The following ZSWIM6 variants were observed in gnomAD, a reference collection of about 807,000 sequenced individuals.
The protein encoded by ZSWIM6 is zinc finger SWIM domain-containing protein 6.
Under a neutral mutation model 113.2 loss-of-function variants are expected in ZSWIM6, and 9 were observed. That is an observed-to-expected ratio of 0.08 (90% confidence interval 0.05 to 0.14). The LOEUF is 0.14. ZSWIM6 is among the 10% of genes least tolerant of loss of function. The pLI is 1.00. For synonymous variants in ZSWIM6, 611 were observed against 606.5 expected (o/e 1.01, Z -0.11); for missense variants, 1,162 against 1,552.2 (o/e 0.75, Z 4.22).
rs149789473 is a variant in ZSWIM6 at position 61,371,953 on chromosome 5, A to C, written c.676+39005A>C. Among the ~76,000 whole-genome samples the C allele has an allele frequency of 2.6e-5, 4 of 152,306 alleles. No homozygotes were observed. In the East Asian group the frequency reaches 7.7e-4, roughly 29 times the overall value. On this transcript the variant is annotated intron_variant, in intron 1 of 13. Coordinates refer to ENST00000252744, the MANE Select transcript of ZSWIM6 (RefSeq NM_020928.2). ...AATTCCACTTTCCATTTTGATGTGAATGTTCTAAAAGTTCCCTATGATTTA... is the reference window on the plus strand; with the variant it reads ...AATTCCACTTTCCATTTTGATGTGACTGTTCTAAAAGTTCCCTATGATTTA...
intron 5 of ZSWIM6, among the ~76,000 whole-genome samples, chr5:61,524,177 G>A (rs1749216954): frequency 6.6e-6 from 1 of 152,188 alleles, no homozygotes; most frequent in African/African-American, 2.4e-5. Context: ...GACTGTGAGA[G>A]GTCACGGAAC....
At chr5:61,336,555 C>T (rs897638141) in intron 1 of ZSWIM6, among the ~76,000 whole-genome samples, 5 of 151,712 alleles carry the variant, frequency 3.3e-5, no homozygotes, top group African/African-American at 9.7e-5. Flanking sequence ...GTCAGGAGTT[C>T]GAGAGCAGCC....
intron 2 of ZSWIM6, among the ~76,000 whole-genome samples, chr5:61,482,550 A>T (rs184861626): frequency 9.9e-5 from 15 of 152,238 alleles, no homozygotes; most frequent in African/African-American, 3.6e-4. Flanking sequence ...CTTTTGGGGG[A>T]AATTATTGTT....
intron 1 of ZSWIM6, among the ~76,000 whole-genome samples, chr5:61,438,148 C>T (rs1339219008): frequency 3.9e-5 from 6 of 152,112 alleles, no homozygotes; most frequent in Non-Finnish European, 8.8e-5. Context: ...CATTCAGTAG[C>T]TCATTCAGTA....
intron 1 of ZSWIM6, among the ~76,000 whole-genome samples, chr5:61,465,491 T>C (rs1037295510): frequency 6.6e-6 from 1 of 151,776 alleles, no homozygotes; most frequent in African/African-American, 2.4e-5. Flanking sequence ...ACTGCAGATA[T>C]CCAAATTAGT....
At chr5:61,526,219 G>C in intron 6 of ZSWIM6, 31 bp from the exon 7 acceptor site, 1 of 1,523,582 alleles carries the variant, frequency 6.6e-7, no homozygotes, top group Non-Finnish European at 8.8e-7. Flanking sequence ...TCTGACAGTG[G>C]CAACTTTACC....
In ZSWIM6 at chr5:61,472,654, C is replaced by A; in HGVS notation, c.677-27C>A. 1 of 1,451,050 alleles carries A rather than the reference C, an allele frequency of 6.9e-7. No homozygotes were observed. Among genetic ancestry groups the A allele is most frequent in the Admixed American group, 2.4e-5 (1 of 41,538 alleles). The allele number at this position is 1,451,050 out of a possible 1,614,324, so 89.9% of individuals were successfully genotyped here. ...TAGCATCTGAATGCAGAAGCTAAAC[C>A]CTCCCTTTCTTTCTTTCACCCTCAA... On this transcript the variant is annotated intron_variant, in intron 1 of 13. Transcript: ENST00000252744. The surrounding 1 kb of genome is among the most constrained non-coding windows in gnomAD (Gnocchi z 4.1).
intron 1 of ZSWIM6, among the ~76,000 whole-genome samples, chr5:61,469,708 C>CT (rs533370067): frequency 4.6e-4 from 68 of 147,820 alleles, no homozygotes; most frequent in Non-Finnish European, 5.6e-4. Flanking sequence ...TCCCCCCAAC[C>CT]TTTTTTTTTT....
At chr5:61,491,943 C>T (rs1245190567) in intron 3 of ZSWIM6, among the ~76,000 whole-genome samples, 1 of 151,880 alleles carries the variant, frequency 6.6e-6, no homozygotes, top group Non-Finnish European at 1.5e-5. Flanking sequence ...TTGCAAATTT[C>T]CCCAGAATTA....
chr5:61,421,861 T>G (rs1452201296), intron 1 of ZSWIM6, among the ~76,000 whole-genome samples: 3 of 152,238 alleles, frequency 2.0e-5, no homozygotes, highest in Non-Finnish European at 4.4e-5. Flanking sequence ...GTACCACATT[T>G]TCTTTAGCCA....
intron 6 of ZSWIM6, 42 bp downstream of exon 6, chr5:61,526,018 T>C: frequency 6.5e-7 from 1 of 1,546,462 alleles, no homozygotes; most frequent in Non-Finnish European, 8.7e-7. Context: ...GACTTACTTC[T>C]TTGTTTAGTT....
At chr5:61,419,459 T>G (rs998641565) in intron 1 of ZSWIM6, among the ~76,000 whole-genome samples, 2 of 152,218 alleles carry the variant, frequency 1.3e-5, no homozygotes, top group African/African-American at 4.8e-5. Context: ...GATGTTAATA[T>G]TAAGCTCTGC....
intron 4 of ZSWIM6, among the ~76,000 whole-genome samples, chr5:61,516,770 C>T (rs1264465862): frequency 2.0e-5 from 3 of 151,682 alleles, no homozygotes; most frequent in Non-Finnish European, 4.4e-5. Flanking sequence ...CCTGAACTTC[C>T]AAGTTTCCTT....
chr5:61,366,194 C>T (rs570004638), intron 1 of ZSWIM6, among the ~76,000 whole-genome samples: 1 of 152,200 alleles, frequency 6.6e-6, no homozygotes, highest in Admixed American at 6.5e-5. Context: ...CCACACCCAG[C>T]CTAAGTGTCA....
chr5:61,427,047 C>T (rs1746476169), intron 1 of ZSWIM6, among the ~76,000 whole-genome samples: 1 of 152,156 alleles, frequency 6.6e-6, no homozygotes, highest in African/African-American at 2.4e-5. Flanking sequence ...ACTTTAAGAC[C>T]ATGACTATAT....
chr5:61,336,556 G>T (rs1343548416), intron 1 of ZSWIM6, among the ~76,000 whole-genome samples: 3 of 152,090 alleles, frequency 2.0e-5, no homozygotes, highest in African/African-American at 7.2e-5. Context: ...TCAGGAGTTC[G>T]AGAGCAGCCT....
chr5:61,437,229 T>G (rs1272278652), intron 1 of ZSWIM6, among the ~76,000 whole-genome samples: 1 of 152,210 alleles, frequency 6.6e-6, no homozygotes, highest in East Asian at 1.9e-4. Context: ...TTTCTGGGAA[T>G]AGTGGAACCT....
intron 3 of ZSWIM6, among the ~76,000 whole-genome samples, chr5:61,491,416 TA>T (rs1160992372): frequency 2.0e-5 from 3 of 152,086 alleles, no homozygotes; most frequent in African/African-American, 7.2e-5. Flanking sequence ...TCTTTCTAAG[TA>T]TATAAACCTT....
In ZSWIM6 at chr5:61,332,473, G is replaced by A. The variant is rs1337737105; in HGVS notation, c.201G>A (p.Pro67=). 3 of 1,141,024 alleles carry A rather than the reference G, an allele frequency of 2.6e-6. No homozygotes were observed. The highest frequency in any genetic ancestry group is 3.3e-6 in the Non-Finnish European group (3 of 911,600). The allele number at this position is 1,141,024 out of a possible 1,614,324, so 70.7% of individuals were successfully genotyped here. Residue 67 remains proline, a synonymous_variant, in exon 1 of 14, where the codon CCG becomes CCA. Coordinates refer to ENST00000252744, the MANE Select transcript of ZSWIM6 (RefSeq NM_020928.2). ...GCGGCGCGGCGCTGGGGTTGCTGCC[G>A]CCGGGCAAGACCCAGAGCCCCGAGT... ...CGGGAALGLL[P]PGKTQSPESL...
Sources: allele counts gnomAD v4.1 joint callset (sites outside exome capture counted in the v4.1 genomes callset), GRCh38; gene constraint gnomAD v4.1.1; non-coding constraint Gnocchi (gnomAD v3.1); transcripts MANE v1.5; gene names NCBI Gene and HGNC (gene_info 2026-07-23, HGNC 2026-07-21).